YEATS2: variants seen among roughly 807,000 people sequenced by gnomAD.
YEATS2 encodes the protein YEATS domain containing 2.
A neutral mutation model predicts 163.2 loss-of-function variants in YEATS2; 77 were observed. That is an observed-to-expected ratio of 0.47 (90% CI 0.39 to 0.57). The LOEUF is 0.57. Ranked by LOEUF, YEATS2 falls within the 20% of genes least tolerant of loss-of-function variation. The pLI is 0.00. For missense variants in YEATS2, 1,549 were observed against 1,729.8 expected (o/e 0.90, Z 1.85); for synonymous variants, 631 against 645.1 (o/e 0.98, Z 0.33).
At chr3:183,707,417 G>A (rs1714723127) in intron 1 of YEATS2, among the ~76,000 whole-genome samples, 1 of 152,144 alleles carries the variant, frequency 6.6e-6, no homozygotes, top group South Asian at 2.1e-4. Flanking sequence ...AGTATACCAC[G>A]ATTTGTTCGT....
chr3:183,697,829 C>G lies in YEATS2; in HGVS notation c.-184C>G, dbSNP rs1441940298. ...CCAGCTGCTGACGTGCGGGGCGGAACGCGCCGGGCGGGCTCCACCGCGCCG... is the reference window on the plus strand; with the variant it reads ...CCAGCTGCTGACGTGCGGGGCGGAAGGCGCCGGGCGGGCTCCACCGCGCCG... On this transcript the variant is annotated 5_prime_UTR_variant, in exon 1 of 31. Coordinates refer to ENST00000305135, the MANE Select transcript of YEATS2 (RefSeq NM_018023.5). 2.0e-5 allele frequency: 3 copies of G among 150,112 alleles called. No individual in the cohort carries two copies. Among genetic ancestry groups the G allele is most frequent in the African/African-American group, 4.9e-5 (2 of 41,094 alleles). The allele number at this position is 150,112 out of a possible 1,614,324, so 9.3% of individuals were successfully genotyped here.
At chr3:183,707,677 T>A (rs1426558825) in intron 1 of YEATS2, among the ~76,000 whole-genome samples, 2 of 144,768 alleles carry the variant, frequency 1.4e-5, no homozygotes, top group Non-Finnish European at 3.0e-5. Flanking sequence ...CTTCCCCACC[T>A]ATTTTTTTTT....
chr3:183,808,948 T>G, intron 29 of YEATS2, 149 bp from the exon 30 acceptor site: 1 of 643,400 alleles, frequency 1.6e-6, no homozygotes, highest in Non-Finnish European at 2.8e-6. Flanking sequence ...TTATGGTCTA[T>G]TATTGAGGCC....
At chr3:183,710,994 T>C (rs16858014) in intron 1 of YEATS2, among the ~76,000 whole-genome samples, 2,420 of 152,312 alleles carry the variant, frequency 0.016, 75 homozygotes, top group East Asian at 0.14. Flanking sequence ...CCTCTGATTC[T>C]AGGTTCATGT....
intron 7 of YEATS2, among the ~76,000 whole-genome samples, chr3:183,734,454 A>G (rs1221787298): frequency 6.6e-6 from 1 of 152,250 alleles, no homozygotes; most frequent in African/African-American, 2.4e-5. Context: ...TAAAGGGCTT[A>G]GAACACTGAT....
At chr3:183,748,723 C>G (rs2109262431) in intron 9 of YEATS2, among the ~76,000 whole-genome samples, 1 of 152,228 alleles carries the variant, frequency 6.6e-6, no homozygotes, top group Non-Finnish European at 1.5e-5. Flanking sequence ...CCTCAGCCTC[C>G]CAAGTAGCTA....
chr3:183,711,942 C>T (rs1715269074), intron 1 of YEATS2, among the ~76,000 whole-genome samples: 2 of 151,548 alleles, frequency 1.3e-5, no homozygotes, highest in South Asian at 4.2e-4. Context: ...GCCTCAGCCT[C>T]CTGAGTAGCT....
chr3:183,811,789 C>T lies in YEATS2; in HGVS notation c.*1206C>T, dbSNP rs1726824797. On this transcript the variant is annotated 3_prime_UTR_variant, in exon 31 of 31. Coordinates refer to ENST00000305135, the MANE Select transcript of YEATS2 (RefSeq NM_018023.5). ...AAAGAATGCATGCCCAGTCAGAAAT[C>T]TGTTCTATTCTGCTCCAGGAAAATC... 6.6e-6 allele frequency: 1 copy of T among 152,242 alleles called. No individual in the cohort carries two copies. The highest frequency in any genetic ancestry group is 1.5e-5 in the Non-Finnish European group (1 of 68,070). The allele number at this position is 152,242 out of a possible 1,614,324, so 9.4% of individuals were successfully genotyped here.
In YEATS2 at chr3:183,742,907, T is replaced by C. The variant is rs116027620; in HGVS notation, c.925-4765T>C. 1.0e-2 allele frequency among the ~76,000 whole-genome samples: 1,516 copies of C among 152,314 alleles called. 28 individuals carry two copies. Among genetic ancestry groups the C allele is most frequent in the African/African-American group, 0.034 (1,423 of 41,558 alleles). ...AGCCATCAGCATCAAGGCAAGACCC[T>C]CCACCAACAAAGAGATTACAGTTCA... On this transcript the variant is annotated intron_variant, in intron 8 of 30. Transcript: ENST00000305135.
intron 12 of YEATS2, among the ~76,000 whole-genome samples, chr3:183,757,085 T>C (rs1461588860): frequency 6.6e-6 from 1 of 152,068 alleles, no homozygotes; most frequent in Non-Finnish European, 1.5e-5. Flanking sequence ...AAAATGATAT[T>C]ATTTTCTTCA....
chr3:183,772,883 G>A (rs1722623717), intron 16 of YEATS2, among the ~76,000 whole-genome samples: 1 of 152,026 alleles, frequency 6.6e-6, no homozygotes, highest in Admixed American at 6.6e-5. Context: ...CTAATCCACA[G>A]TCCCCTGTGT....
At chr3:183,729,749 GCAACCTCTGCTTCAGGTT>G (rs1229923800) in intron 7 of YEATS2, among the ~76,000 whole-genome samples, 15 of 151,730 alleles carry the variant, frequency 9.9e-5, no homozygotes, top group East Asian at 3.9e-4. Context: ...TTGGCTCACT[GCAACCTCTGCTTCAGGTT>G]CAACCTCTGC....
chr3:183,765,590 A>G (rs1268415185), intron 15 of YEATS2, among the ~76,000 whole-genome samples: 2 of 152,220 alleles, frequency 1.3e-5, no homozygotes, highest in Non-Finnish European at 2.9e-5. Flanking sequence ...AGCAGTTGAG[A>G]TAAGGAGCTG....
chr3:183,772,641 A>G lies in YEATS2; in HGVS notation c.2206+78A>G, dbSNP rs1035390417. On this transcript the variant is annotated intron_variant, in intron 16 of 30. Transcript: ENST00000305135. ...TCCTTTGCTAGTGATTTTATTTGCT[A>G]TTTGATCTGGTCTAGGAAAGCCTAG... 16 of 1,566,008 alleles carry G rather than the reference A, an allele frequency of 1.0e-5. No individual in the cohort carries two copies. The South Asian group carries it at 1.0e-4, about 10-fold the overall frequency.
chr3:183,777,777 C>G, intron 19 of YEATS2, 77 bp downstream of exon 19: 2 of 1,500,392 alleles, frequency 1.3e-6, no homozygotes, highest in South Asian at 1.3e-5. Context: ...TAGTTTCTCT[C>G]TTTTCACAAA....
intron 10 of YEATS2, among the ~76,000 whole-genome samples, chr3:183,752,735 A>C (rs934728374): frequency 6.6e-6 from 1 of 151,346 alleles, no homozygotes; most frequent in Non-Finnish European, 1.5e-5. Context: ...ATTTCCATGA[A>C]GTTTTACTGA....
Position 183,810,626 on chromosome 3 carries a change from C to T in YEATS2, c.*43C>T, listed in dbSNP as rs113141381. On this transcript the variant is annotated 3_prime_UTR_variant, in exon 31 of 31. Transcript: ENST00000305135. ...GGAGAAGCAGGCTTTGAAGGCACAG[C>T]GAAGCTGTAACTGAGGACCCTGCTG... The T allele has an allele frequency of 1.3e-3, 2,065 of 1,574,400 alleles. 13 individuals are homozygous for T. The African/African-American group carries it at 0.017, about 13-fold the overall frequency.
Position 183,798,918 on chromosome 3 carries a change from C to T in YEATS2, c.3254C>T (p.Pro1085Leu). ...GTTCAGTCATTTTCTACCAGCAAGC[C>T]ACCTGCCATTCTGCCTGTAGCTGCC... Reference protein sequence around the residue: ...KVVQSFSTSKPPAILPVAAPT... With the variant: ...KVVQSFSTSKLPAILPVAAPT... The change falls in exon 23 of 31, where the codon CCA (proline) becomes CTA (leucine). Residue 1085 changes from proline to leucine, a missense_variant. By Grantham distance (98) the Pro-to-Leu change is moderately conservative (BLOSUM62 -3). Coordinates refer to ENST00000305135, the MANE Select transcript of YEATS2 (RefSeq NM_018023.5). The T allele has an allele frequency of 1.2e-6, 2 of 1,614,076 alleles. No individual in the cohort carries two copies. The highest frequency in any genetic ancestry group is 1.1e-5 in the South Asian group (1 of 91,080).
intron 15 of YEATS2, among the ~76,000 whole-genome samples, chr3:183,762,843 G>T (rs1721513967): frequency 6.6e-6 from 1 of 152,064 alleles, no homozygotes; most frequent in African/African-American, 2.4e-5. Context: ...CCTGAAGGCA[G>T]GAGTTCGAGA....
Sources: gnomAD v4.1 joint callset for allele counts (sites outside exome capture counted in the v4.1 genomes callset) on GRCh38, gnomAD v4.1.1 for gene constraint, MANE v1.5 for transcripts, NCBI Gene and HGNC (gene_info 2026-07-23, HGNC 2026-07-21) for gene names.